The following GPM6B variants were observed in gnomAD, a reference collection of about 807,000 sequenced individuals.
GPM6B encodes the protein glycoprotein M6B.
GPM6B carries 4 observed loss-of-function variants against 27.2 expected under a neutral mutation model. The ratio of observed to expected loss-of-function variants is 0.15; its 90% CI spans 0.07 to 0.34. The LOEUF is 0.34. GPM6B is among the 10% of genes least tolerant of loss of function. The probability of loss-of-function intolerance (pLI) is 1.00; values close to 1 mark genes in which losing one functional copy is unlikely to be tolerated. For synonymous variants in GPM6B, 124 were observed against 103.1 expected, an observed-to-expected ratio of 1.20 and a Z score of -1.23; for missense variants, 183 against 261.9, an observed-to-expected ratio of 0.70 and a Z score of 2.08.
chrX:13,887,551 A>G (rs2050149325), intron 1 of GPM6B, among the ~76,000 whole-genome samples: 1 of 111,745 alleles, frequency 8.9e-6, no homozygotes, highest in African/African-American at 3.3e-5. Flanking sequence ...TCCCACAGAC[A>G]TTAGATAACT....
At chrX:13,774,272 TTAAGTA>T (rs2048364242) in intron 7 of GPM6B, 5 of 859,910 alleles carry the variant, frequency 5.8e-6, no homozygotes, top group Non-Finnish European at 7.1e-6. Context: ...TCTCTAATGT[TTAAGTA>T]TGAGAACATT....
chrX:13,885,141 C>T (rs2050122600), intron 1 of GPM6B, among the ~76,000 whole-genome samples: 1 of 112,046 alleles, frequency 8.9e-6, no homozygotes, highest in African/African-American at 3.2e-5. Context: ...CTATCTGTAC[C>T]ACTTTTCTTA....
intron 1 of GPM6B, among the ~76,000 whole-genome samples, chrX:13,925,498 T>G (rs1921123994): frequency 9.7e-6 from 1 of 103,258 alleles, no homozygotes; most frequent in Non-Finnish European, 2.0e-5. Flanking sequence ...GGCTTTTTTT[T>G]TTTTTTTTTG....
upstream of GPM6B, among the ~76,000 whole-genome samples, chrX:13,821,203 T>G (rs934530699): frequency 8.9e-6 from 1 of 112,027 alleles, no homozygotes; most frequent in African/African-American, 3.2e-5. Flanking sequence ...CCCAGTCTCT[T>G]TCACGATCAC....
chrX:13,807,375 A>T (rs1424666164), intron 2 of GPM6B, among the ~76,000 whole-genome samples: 1 of 111,760 alleles, frequency 8.9e-6, no homozygotes, highest in Non-Finnish European at 1.9e-5. Flanking sequence ...CTCACTGTAC[A>T]TTGTTCCCTT....
At chrX:13,838,938 C>G (rs748996699) in intron 1 of GPM6B, among the ~76,000 whole-genome samples, 1 of 111,614 alleles carries the variant, frequency 9.0e-6, no homozygotes, top group East Asian at 2.8e-4. Context: ...CAAAGTAAAT[C>G]TGAAAAACTA....
intron 5 of GPM6B, among the ~76,000 whole-genome samples, chrX:13,779,036 C>G (rs909048817): frequency 6.3e-5 from 7 of 111,271 alleles, no homozygotes; most frequent in Non-Finnish European, 1.3e-4. Context: ...TATTCCCCCC[C>G]ACCCCCGGTT....
chrX:13,798,643 C>A (rs1002142581), intron 2 of GPM6B, among the ~76,000 whole-genome samples: 1 of 112,682 alleles, frequency 8.9e-6, no homozygotes, highest in African/African-American at 3.2e-5. Context: ...ATATAATATT[C>A]CAGACTTATC....
chrX:13,907,656 G>C (rs2050342862), intron 1 of GPM6B, among the ~76,000 whole-genome samples: 1 of 112,195 alleles, frequency 8.9e-6, no homozygotes, highest in African/African-American at 3.2e-5. Context: ...GGCAACAAGA[G>C]CGAAACTCTG....
intron 1 of GPM6B, among the ~76,000 whole-genome samples, chrX:13,846,225 C>A (rs1472806208): frequency 2.7e-5 from 3 of 110,624 alleles, no homozygotes; most frequent in African/African-American, 9.9e-5. Flanking sequence ...CCTACTCATG[C>A]ATCCATCCCA....
At chrX:13,838,705 G>A (rs933955420) in intron 1 of GPM6B, among the ~76,000 whole-genome samples, 1 of 111,709 alleles carries the variant, frequency 9.0e-6, no homozygotes, top group African/African-American at 3.3e-5. Flanking sequence ...CTGCCCAAAG[G>A]GAGGAAGGGG....
chrX:13,884,037 C>T (rs956648901), intron 1 of GPM6B, among the ~76,000 whole-genome samples: 1 of 110,600 alleles, frequency 9.0e-6, no homozygotes, highest in Non-Finnish European at 1.9e-5. Context: ...ATTAGCCAGG[C>T]GTGGTGGCAC....
At chrX:13,885,230 T>A (rs1436260201) in intron 1 of GPM6B, among the ~76,000 whole-genome samples, 1 of 112,134 alleles carries the variant, frequency 8.9e-6, no homozygotes, top group Non-Finnish European at 1.9e-5. Flanking sequence ...ATAGGTATCA[T>A]ATAAAAAATA....
chrX:13,905,244 AAAG>A (rs1415809274), intron 1 of GPM6B, among the ~76,000 whole-genome samples: 22 of 92,636 alleles, frequency 2.4e-4, no homozygotes, highest in Admixed American at 1.0e-3. Context: ...AAAAAAAAAA[AAAG>A]AAAAGAAAAG....
chrX:13,863,656 T>C (rs1340606661), intron 1 of GPM6B, among the ~76,000 whole-genome samples: 1 of 112,110 alleles, frequency 8.9e-6, no homozygotes, highest in African/African-American at 3.2e-5. Context: ...ACTTTCTAGT[T>C]CCATTTGGTC....
At chrX:13,915,286 A>G (rs1205075452) in intron 1 of GPM6B, among the ~76,000 whole-genome samples, 1 of 45,767 alleles carries the variant, frequency 2.2e-5, no homozygotes, top group Non-Finnish European at 7.4e-5. Flanking sequence ...TGTAAAAAAA[A>G]AAAAAAAAAA....
chrX:13,864,959 G>C (rs1293848249), intron 1 of GPM6B, among the ~76,000 whole-genome samples: 1 of 111,715 alleles, frequency 9.0e-6, no homozygotes, highest in African/African-American at 3.3e-5. Context: ...TGAGAAATTA[G>C]CAACAATAAC....
At chrX:13,848,177 T>C (rs988334170) in intron 1 of GPM6B, among the ~76,000 whole-genome samples, 2 of 111,930 alleles carry the variant, frequency 1.8e-5, no homozygotes, top group Non-Finnish European at 3.8e-5. Context: ...CTGGTCAATA[T>C]GGGTGCATAA....
intron 1 of GPM6B, among the ~76,000 whole-genome samples, chrX:13,876,592 T>C (rs1416493029): frequency 8.9e-6 from 1 of 111,770 alleles, no homozygotes; most frequent in African/African-American, 3.3e-5. Context: ...GCAGGGCAGA[T>C]GGTGGGATGG....
Sources: gnomAD v4.1 joint callset for allele counts (sites outside exome capture counted in the v4.1 genomes callset) on GRCh38, gnomAD v4.1.1 for gene constraint, MANE v1.5 for transcripts, NCBI Gene and HGNC (gene_info 2026-07-23, HGNC 2026-07-21) for gene names.